The following STARD3NL variants were observed in gnomAD, a reference collection of about 807,000 sequenced individuals.
STARD3NL encodes STARD3 N-terminal-like protein.
Under a neutral mutation model 30.9 loss-of-function variants are expected in STARD3NL, and 17 were observed. The observed-to-expected ratio is 0.55, with a 90% CI of 0.38 to 0.82. The LOEUF (loss-of-function observed/expected upper bound fraction) is 0.82, where lower values mean the gene tolerates loss of function less well. Among genes scored for constraint, STARD3NL ranks in the 40% least tolerant of loss-of-function variants. The probability of loss-of-function intolerance (pLI) is 0.00; values close to 1 mark genes in which losing one functional copy is unlikely to be tolerated. For synonymous variants in STARD3NL, 112 were observed against 100.5 expected (o/e 1.11, Z -0.69); for missense variants, 234 against 277.6 (o/e 0.84, Z 1.12).
chr7:38,202,547 CTT>C (rs370794325), intron 1 of STARD3NL, among the ~76,000 whole-genome samples: 1 of 150,850 alleles, frequency 6.6e-6, no homozygotes, highest in African/African-American at 2.4e-5. Flanking sequence ...TGATATATTT[CTT>C]TTTTTTTAAC....
Position 38,215,193 on chromosome 7 carries a change from A to C in STARD3NL, c.381+88A>C, listed in dbSNP as rs954294131. 4 of 1,275,704 alleles carry C rather than the reference A, an allele frequency of 3.1e-6. No homozygotes were observed. In the African/African-American group the frequency reaches 5.9e-5, roughly 19 times the overall value. The allele number at this position is 1,275,704 out of a possible 1,614,324, so 79.0% of individuals were successfully genotyped here. A position where few individuals can be genotyped will look rare whatever the true frequency, so the allele number is the denominator to read the frequency against. On this transcript the variant is annotated intron_variant, in intron 4 of 8. Coordinates refer to ENST00000009041, the MANE Select transcript of STARD3NL (RefSeq NM_032016.4). Reference sequence around the variant, plus strand: ...ACAGGCCTGGGCTGGGAGAAGATACAGTTCTAATGCAGGTGGAATCCCACC... The same window carrying C: ...ACAGGCCTGGGCTGGGAGAAGATACCGTTCTAATGCAGGTGGAATCCCACC...
At chr7:38,219,414 A>G (rs993181475) in intron 6 of STARD3NL, 151 bp from the exon 7 acceptor site, 3 of 526,914 alleles carry the variant, frequency 5.7e-6, no homozygotes, top group Admixed American at 3.0e-5. Flanking sequence ...TTGTTAATGA[A>G]ACTTATTGTT....
At chr7:38,200,448 CTA>C (rs1376205384) in intron 1 of STARD3NL, among the ~76,000 whole-genome samples, 2 of 93,526 alleles carry the variant, frequency 2.1e-5, no homozygotes, top group African/African-American at 8.7e-5. Flanking sequence ...GCTAAACGTT[CTA>C]TGTGTTAAGC....
chr7:38,181,629 G>T (rs1784249572), intron 1 of STARD3NL, among the ~76,000 whole-genome samples: 1 of 152,128 alleles, frequency 6.6e-6, no homozygotes, highest in South Asian at 2.1e-4. Flanking sequence ...AATTTTAATG[G>T]AATTAGTATC....
At chr7:38,202,881 T>C (rs1785255250) in intron 1 of STARD3NL, among the ~76,000 whole-genome samples, 1 of 151,894 alleles carries the variant, frequency 6.6e-6, no homozygotes, top group Non-Finnish European at 1.5e-5. Flanking sequence ...GCTTCATCCA[T>C]GTCCCTACAA....
At position 38,212,285 on chromosome 7, in the gene STARD3NL, T is replaced by C. The variant is rs934897788; in HGVS notation, c.226-2072T>C. Among the ~76,000 whole-genome samples the C allele has an allele frequency of 2.6e-5, 4 of 152,346 alleles. No individual in the cohort carries two copies. In the South Asian group the frequency reaches 6.2e-4, roughly 24 times the overall value. On this transcript the variant is annotated intron_variant, in intron 2 of 8. Transcript: ENST00000009041. Reference sequence around the variant, plus strand: ...TCACGGTAGATGAGCACACTTGCCTTCTTCTGTTCTCAGAAAGGAATAAGC... The same window carrying C: ...TCACGGTAGATGAGCACACTTGCCTCCTTCTGTTCTCAGAAAGGAATAAGC...
At chr7:38,215,222 T>A in intron 4 of STARD3NL, 117 bp downstream of exon 4, 1 of 906,360 alleles carries the variant, frequency 1.1e-6, no homozygotes, top group Non-Finnish European at 1.7e-6. Flanking sequence ...TCCCACCAGC[T>A]TTCCTGAGTC....
chr7:38,221,963 C>T (rs575660320), intron 7 of STARD3NL, among the ~76,000 whole-genome samples: 1 of 152,178 alleles, frequency 6.6e-6, no homozygotes, highest in African/African-American at 2.4e-5. Context: ...CCCTTCCCAT[C>T]GCTCCCGGCA....
intron 1 of STARD3NL, among the ~76,000 whole-genome samples, chr7:38,203,528 C>G (rs1045744516): frequency 2.0e-5 from 3 of 152,126 alleles, no homozygotes; most frequent in Non-Finnish European, 4.4e-5. Flanking sequence ...AAAAACATGC[C>G]AAATTGTAAA....
Position 38,219,675 on chromosome 7 carries a change from T to C in STARD3NL, c.649+15T>C. ...ATCCGAAGCAGGTAAAAAACTTGAT[T>C]ATTATTTGTGCTTGTATCTCTCATT... On this transcript the variant is annotated intron_variant, in intron 7 of 8. Transcript: ENST00000009041. 6.2e-7 allele frequency: 1 copy of C among 1,604,014 alleles called. No homozygotes were observed. Among genetic ancestry groups the C allele is most frequent in the Non-Finnish European group, 8.5e-7 (1 of 1,171,604 alleles).
chr7:38,206,137 C>T (rs1338236120), intron 1 of STARD3NL, among the ~76,000 whole-genome samples: 4 of 152,142 alleles, frequency 2.6e-5, no homozygotes, highest in African/African-American at 2.4e-5. Flanking sequence ...AATAATAGGA[C>T]CAAATGGGAT....
rs116537265 is a variant in STARD3NL, at chr7:38,189,963, A to C, written c.-59+11543A>C. ...GGATGTTTGGTTTGTCTTTGCCTTT[A>C]AGTGTAGCATACTTAAGAGCAAAGT... On this transcript the variant is annotated intron_variant, in intron 1 of 8. Transcript: ENST00000009041. Among the ~76,000 whole-genome samples, 267 of 152,334 alleles carry C rather than the reference A, an allele frequency of 1.8e-3. 1 individual carries two copies. The highest frequency in any genetic ancestry group is 6.1e-3 in the African/African-American group (255 of 41,570).
intron 7 of STARD3NL, among the ~76,000 whole-genome samples, chr7:38,226,723 G>A (rs1786793006): frequency 6.6e-6 from 1 of 152,208 alleles, no homozygotes; most frequent in Non-Finnish European, 1.5e-5. Context: ...CAGCCTCCCA[G>A]AGTAGTTGGC....
intron 2 of STARD3NL, among the ~76,000 whole-genome samples, chr7:38,212,527 A>C (rs1161455547): frequency 6.6e-6 from 1 of 152,186 alleles, no homozygotes; most frequent in African/African-American, 2.4e-5. Context: ...CCATGAAGAC[A>C]TATTATTTTG....
intron 1 of STARD3NL, among the ~76,000 whole-genome samples, chr7:38,205,284 C>T (rs906884950): frequency 6.6e-6 from 1 of 152,186 alleles, no homozygotes; most frequent in Non-Finnish European, 1.5e-5. Flanking sequence ...AAAGCTTATC[C>T]ACCATGATCA....
chr7:38,201,614 T>G (rs1435599134), intron 1 of STARD3NL: 1 of 152,192 alleles, frequency 6.6e-6, no homozygotes, highest in East Asian at 1.9e-4. Context: ...TTAGAATTAT[T>G]TGAGTTGCTT....
chr7:38,206,320 C>T (rs1361068064), intron 1 of STARD3NL, among the ~76,000 whole-genome samples: 2 of 152,170 alleles, frequency 1.3e-5, no homozygotes, highest in African/African-American at 4.8e-5. Context: ...GGCATATGAA[C>T]TTCTGCCCAC....
At chr7:38,205,281 A>T (rs1785398274) in intron 1 of STARD3NL, among the ~76,000 whole-genome samples, 1 of 152,222 alleles carries the variant, frequency 6.6e-6, no homozygotes, top group African/African-American at 2.4e-5. Flanking sequence ...CAAAAAGCTT[A>T]TCCACCATGA....
At chr7:38,191,709 ATT>A (rs1162472013) in intron 1 of STARD3NL, among the ~76,000 whole-genome samples, 2 of 152,084 alleles carry the variant, frequency 1.3e-5, no homozygotes, top group African/African-American at 4.8e-5. Context: ...GTGTGGGCCT[ATT>A]TATATACTCT....
Sources: allele counts gnomAD v4.1 joint callset (sites outside exome capture counted in the v4.1 genomes callset), GRCh38; gene constraint gnomAD v4.1.1; transcripts MANE v1.5; gene names NCBI Gene and HGNC (gene_info 2026-07-23, HGNC 2026-07-21).